CYP11A1: variants seen among roughly 807,000 people sequenced by gnomAD.
CYP11A1 encodes cytochrome P450 family 11 subfamily A member 1.
A neutral mutation model predicts 51.9 loss-of-function variants in CYP11A1; 25 were observed. That is an observed-to-expected ratio of 0.48 (90% CI 0.35 to 0.67). CYP11A1 has a LOEUF of 0.67. Among genes scored for constraint, CYP11A1 ranks in the 30% least tolerant of loss-of-function variants. The pLI, the probability that CYP11A1 is intolerant of heterozygous loss-of-function variation, is 0.00. For missense variants in CYP11A1, 578 were observed against 680.9 expected (o/e 0.85, Z 1.68); for synonymous variants, 245 against 262.1 (o/e 0.93, Z 0.63).
chr15:74,366,663 G>A (rs1358824054), intron 1 of CYP11A1: 1 of 151,668 alleles, frequency 6.6e-6, no homozygotes, highest in East Asian at 1.9e-4. Flanking sequence ...GACAGCTACA[G>A]GGCCAGGAAT....
intron 1 of CYP11A1, among the ~76,000 whole-genome samples, chr15:74,366,466 T>G (rs2060734211): frequency 1.4e-5 from 2 of 146,752 alleles, no homozygotes; most frequent in South Asian, 4.4e-4. Context: ...TTTATTTTAT[T>G]TATTTATTTA....
chr15:74,341,967 G>T (rs935973951), intron 5 of CYP11A1, among the ~76,000 whole-genome samples: 1 of 152,142 alleles, frequency 6.6e-6, no homozygotes, highest in Non-Finnish European at 1.5e-5. Context: ...CCAGCCTCCG[G>T]AACTGTGAGA....
rs905274207 is a variant in CYP11A1, at chr15:74,337,848, T to A, written c.*124A>T. Reference sequence around the variant, plus strand: ...AGGAAGGTGACCACTGAGAACCCATTCAACCTGCTGAGCAGGCTGGGCAGA... The same window carrying A: ...AGGAAGGTGACCACTGAGAACCCATACAACCTGCTGAGCAGGCTGGGCAGA... On this transcript the variant is annotated 3_prime_UTR_variant, in exon 9 of 9. Coordinates refer to ENST00000268053, the MANE Select transcript of CYP11A1 (RefSeq NM_000781.3). 7 of 1,351,518 alleles carry A rather than the reference T, an allele frequency of 5.2e-6. No homozygotes were observed. Among genetic ancestry groups the A allele is most frequent in the Non-Finnish European group, 5.2e-6 (5 of 963,450 alleles). 83.7% of individuals were successfully genotyped at this position (1,351,518 alleles called of 1,614,324 possible).
chr15:74,360,032 C>T (rs2060700116), intron 1 of CYP11A1, among the ~76,000 whole-genome samples: 1 of 152,318 alleles, frequency 6.6e-6, no homozygotes, highest in South Asian at 2.1e-4. Flanking sequence ...GAAATAAAGA[C>T]AGTTTTCAAG....
At chr15:74,347,725 C>T (rs1044271623) in intron 2 of CYP11A1, among the ~76,000 whole-genome samples, 175 bp downstream of exon 2, 16 of 152,204 alleles carry the variant, frequency 1.1e-4, no homozygotes, top group Admixed American at 9.8e-4. Context: ...TCATCATCAT[C>T]ATCATCATCA....
At chr15:74,356,526 C>A (rs552885722) in intron 1 of CYP11A1, 1 of 152,198 alleles carries the variant, frequency 6.6e-6, no homozygotes, top group Non-Finnish European at 1.5e-5. Flanking sequence ...CTCCACATTA[C>A]CTTCTTTTCA....
intron 1 of CYP11A1, among the ~76,000 whole-genome samples, chr15:74,361,135 T>A (rs1009592863): frequency 7.9e-5 from 12 of 152,340 alleles, no homozygotes; most frequent in African/African-American, 2.9e-4. Context: ...TCTTTCCTAA[T>A]GCCTGGCTTT....
chr15:74,342,921 G>C, intron 5 of CYP11A1, 56 bp downstream of exon 5: 1 of 1,586,936 alleles, frequency 6.3e-7, no homozygotes, highest in South Asian at 1.1e-5. Context: ...GGCCTGGTGG[G>C]GAAGGGGCAC....
intron 1 of CYP11A1, among the ~76,000 whole-genome samples, chr15:74,357,716 C>A (rs114381848): frequency 3.3e-5 from 5 of 152,094 alleles, no homozygotes; most frequent in African/African-American, 4.8e-5. Flanking sequence ...GAGCCAGGAC[C>A]GCGCCCGGCA....
At chr15:74,360,065 C>T (rs976636122) in intron 1 of CYP11A1, among the ~76,000 whole-genome samples, 1 of 152,172 alleles carries the variant, frequency 6.6e-6, no homozygotes, top group African/African-American at 2.4e-5. Context: ...ATACAGTTGT[C>T]TTCAAAATGT....
chr15:74,358,951 C>T (rs1037048370), intron 1 of CYP11A1, among the ~76,000 whole-genome samples: 5 of 152,170 alleles, frequency 3.3e-5, no homozygotes, highest in African/African-American at 4.8e-5. Context: ...AAAAAAAGGA[C>T]TCTGTCAAGA....
chr15:74,367,390 A>G lies in CYP11A1; in HGVS notation c.196T>C (p.Trp66Arg). 1.2e-6 allele frequency: 2 copies of G among 1,614,220 alleles called. No homozygotes were observed. The highest frequency in any genetic ancestry group is 2.2e-5 in the South Asian group (2 of 91,086). Residue 66 changes from tryptophan (W) to arginine (R), a missense_variant, in exon 1 of 9, where the codon TGG becomes CGG. Transcript: ENST00000268053. ...ACTTTGTGTGTGCCCGTCTCCCTCCAGAAATGGTACAGGTTTAGCCAGCCA... is the reference window on the plus strand; with the variant it reads ...ACTTTGTGTGTGCCCGTCTCCCTCCGGAAATGGTACAGGTTTAGCCAGCCA... ...DNGWLNLYHF[W>R]RETGTHKVHL... is the part of the protein sequence containing the mutation.
At chr15:74,367,180 A>G in intron 1 of CYP11A1, 137 bp downstream of exon 1, 1 of 119,006 alleles carries the variant, frequency 8.4e-6, no homozygotes, top group East Asian at 1.5e-4. Context: ...TGTATTACCA[A>G]AAAAAAAAAA....
intron 1 of CYP11A1, among the ~76,000 whole-genome samples, chr15:74,360,914 A>G (rs1272421593): frequency 3.3e-5 from 5 of 152,184 alleles, no homozygotes; most frequent in African/African-American, 9.7e-5. Flanking sequence ...AAAAAAAACA[A>G]ATTTGCCATT....
intron 1 of CYP11A1, chr15:74,361,691 TTA>T: frequency 8.1e-7 from 1 of 1,227,182 alleles, no homozygotes. Context: ...AAGGATTTGG[TTA>T]TAAGGGTTCC....
At position 74,339,524 on chromosome 15, in the gene CYP11A1, G is replaced by T. The variant is rs577204139; in HGVS notation, c.1157+63C>A. ...GCCCATCCTCGTAACCCTTTCCCCG[G>T]GCACTTCCCTGGCCCTGCCCAGGGA... On this transcript the variant is annotated intron_variant, in intron 6 of 8. Coordinates refer to ENST00000268053, the MANE Select transcript of CYP11A1 (RefSeq NM_000781.3). 5.8e-5 allele frequency: 92 copies of T among 1,589,028 alleles called. No individual in the cohort carries two copies. In the African/African-American group the frequency reaches 1.2e-3, roughly 20 times the overall value.
chr15:74,343,497 C>G (rs557626756), intron 4 of CYP11A1, among the ~76,000 whole-genome samples: 2 of 152,344 alleles, frequency 1.3e-5, no homozygotes, highest in East Asian at 3.9e-4. Context: ...TGTCATCCAG[C>G]ACAGCCGTGG....
At chr15:74,343,762 G>A (rs1312290671) in intron 4 of CYP11A1, 27 bp downstream of exon 4, 1 of 1,597,238 alleles carries the variant, frequency 6.3e-7, no homozygotes, top group Non-Finnish European at 8.6e-7. Context: ...GCTCCGAGGA[G>A]GAGAGCACAG....
At chr15:74,344,617 A>G (rs2060623272) in intron 3 of CYP11A1, among the ~76,000 whole-genome samples, 1 of 152,154 alleles carries the variant, frequency 6.6e-6, no homozygotes, top group African/African-American at 2.4e-5. Flanking sequence ...CCATCTAGAT[A>G]ACTCCTACAG....
Sources: gnomAD v4.1 joint callset for allele counts (sites outside exome capture counted in the v4.1 genomes callset) on GRCh38, gnomAD v4.1.1 for gene constraint, MANE v1.5 for transcripts, NCBI Gene and HGNC (gene_info 2026-07-23, HGNC 2026-07-21) for gene names.